The following NUDT14 variants were observed in gnomAD, a reference collection of about 807,000 sequenced individuals.
NUDT14 encodes the protein nudix hydrolase 14, also known as uridine diphosphate glucose pyrophosphatase NUDT14.
In NUDT14, 22 loss-of-function variants were observed where a neutral mutation model predicts 17.5. The ratio of observed to expected loss-of-function variants is 1.26; its 90% confidence interval spans 0.90 to 1.80. NUDT14 has a LOEUF of 1.80. Ranked by LOEUF, NUDT14 falls within the 40% of genes most tolerant of loss-of-function variation. The pLI, the probability that NUDT14 is intolerant of heterozygous loss-of-function variation, is 0.00. For synonymous variants in NUDT14, 129 were observed against 125.8 expected (o/e 1.03, Z -0.17); for missense variants, 296 against 295.6 (o/e 1.00, Z -0.01).
intron 1 of NUDT14, among the ~76,000 whole-genome samples, chr14:105,178,449 C>G (rs587610019): frequency 3.9e-4 from 59 of 152,318 alleles, no homozygotes; most frequent in African/African-American, 1.3e-3. Context: ...CTCCCCCACA[C>G]TGGGCACACC....
chr14:105,177,253 T>A (rs1436652055), intron 2 of NUDT14: 1 of 647,130 alleles, frequency 1.5e-6, no homozygotes, highest in Non-Finnish European at 2.8e-6. Flanking sequence ...GCTGGCAGGA[T>A]GGGAGGCGGG....
intron 3 of NUDT14, 37 bp downstream of exon 3, chr14:105,176,926 A>C (rs766195782): frequency 1.9e-6 from 3 of 1,596,942 alleles, no homozygotes; most frequent in Non-Finnish European, 2.6e-6. Context: ...CCTGAAGGTG[A>C]CCCTGCAGAT....
intron 2 of NUDT14, 48 bp from the exon 3 acceptor site, chr14:105,177,075 C>A (rs201633672): frequency 3.2e-6 from 5 of 1,571,466 alleles, no homozygotes; most frequent in Non-Finnish European, 3.5e-6. Context: ...CACTGGCCCT[C>A]GTGGGGCCCC....
At position 105,176,641 on chromosome 14, in the gene NUDT14, G is replaced by A. The variant is rs150187377; in HGVS notation, c.321C>T (p.Leu107=). The change falls in exon 4 of 5, where the codon CTC becomes CTT. Residue 107 remains leucine, a synonymous_variant. Transcript: ENST00000392568. ...CCAGCGAGAGCCCAGGCTGGTCCAC[G>A]AGGCCGGCACACAGCTCAACTGTCA... The part of the protein sequence containing the change: ...AGVTVELCAG[L]VDQPGLSLEE... The A allele has an allele frequency of 1.8e-3, 2,869 of 1,612,764 alleles. 8 individuals carry two copies. Among genetic ancestry groups the A allele is most frequent in the Middle Eastern group, 2.1e-3 (13 of 6,062 alleles).
chr14:105,174,335 G>A (rs1366548973), intron 4 of NUDT14, among the ~76,000 whole-genome samples: 4 of 152,078 alleles, frequency 2.6e-5, no homozygotes, highest in Non-Finnish European at 5.9e-5. Context: ...GATCTGGGGA[G>A]AAACGGGACT....
chr14:105,173,930 C>T lies in NUDT14; in HGVS notation c.429-669G>A, dbSNP rs1478911743. 6.6e-6 allele frequency among the ~76,000 whole-genome samples: 1 copy of T among 152,062 alleles called. No individual in the cohort carries two copies. The highest frequency in any genetic ancestry group is 1.5e-5 in the Non-Finnish European group (1 of 68,016). On this transcript the variant is annotated intron_variant, in intron 4 of 4. Transcript: ENST00000392568. This position sits in a 1 kb window ranked among gnomAD's most constrained non-coding sequence, Gnocchi z 4.7. ...TGCAGAGGCCCATGCCAGACCCCAG[C>T]CCATACCCGGGGACACAGGCTGGCT...
At position 105,180,079 on chromosome 14, in the gene NUDT14, C is replaced by T. The variant is rs587704977; in HGVS notation, c.81+1050G>A. On this transcript the variant is annotated intron_variant, in intron 1 of 4. Coordinates refer to ENST00000392568, the MANE Select transcript of NUDT14 (RefSeq NM_177533.5). ...GATCTGCTGGGGGCAGGTGGGCATG[C>T]AAGCAAAAGGTGGGGCCCTAACTGG... 1.6e-4 allele frequency among the ~76,000 whole-genome samples: 25 copies of T among 152,258 alleles called. No individual in the cohort carries two copies. In the South Asian group the frequency reaches 5.0e-3, roughly 30 times the overall value.
At chr14:105,178,250 G>A (rs999005183) in intron 1 of NUDT14, among the ~76,000 whole-genome samples, 1 of 152,074 alleles carries the variant, frequency 6.6e-6, no homozygotes, top group East Asian at 1.9e-4. Context: ...AGGAGGGGCT[G>A]GCACCAGGAG....
In NUDT14 at chr14:105,173,988, G is replaced by A. The variant is rs1049440618; in HGVS notation, c.429-727C>T. On this transcript the variant is annotated intron_variant, in intron 4 of 4. Coordinates refer to ENST00000392568, the MANE Select transcript of NUDT14 (RefSeq NM_177533.5). This position sits in a 1 kb window ranked among gnomAD's most constrained non-coding sequence, Gnocchi z 4.7. The stretch of plus-strand genomic sequence containing the variant: ...AGGGACAAACCCACCAGGCCTTCCC[G>A]CAAGGGTTCCCCACCAGGCACCCAC... Among the ~76,000 whole-genome samples, 2 of 151,986 alleles carry A rather than the reference G, an allele frequency of 1.3e-5. No individual in the cohort carries two copies. Among genetic ancestry groups the A allele is most frequent in the Admixed American group, 1.3e-4 (2 of 15,272 alleles).
In NUDT14 at chr14:105,173,177, GCCC is replaced by G. The variant is rs1207190515; in HGVS notation, c.510_512del (p.Gly171del). ...CAATGAGCTCACCCTCCTCCACCAG[GCCC>G]CCACCTGGACCGCTACGCTGGGCAT... is the stretch of plus-strand genomic sequence containing the variant. On this transcript the variant is annotated inframe_deletion, in exon 5 of 5. Transcript: ENST00000392568. The surrounding 1 kb of genome is among the most constrained non-coding windows in gnomAD (Gnocchi z 4.7). 3.7e-6 allele frequency: 6 copies of G among 1,610,612 alleles called. No homozygotes were observed. The highest frequency in any genetic ancestry group is 5.1e-6 in the Non-Finnish European group (6 of 1,179,150).
chr14:105,181,176 A>G lies in NUDT14; in HGVS notation c.34T>C (p.Cys12Arg). 2 of 1,183,656 alleles carry G rather than the reference A, an allele frequency of 1.7e-6. No individual in the cohort carries two copies. The highest frequency in any genetic ancestry group is 2.1e-6 in the Non-Finnish European group (2 of 948,352). The allele number at this position is 1,183,656 out of a possible 1,614,324, so 73.3% of individuals were successfully genotyped here. A position where few individuals can be genotyped will look rare whatever the true frequency, so the allele number is the denominator to read the frequency against. The part of the protein sequence containing the change: ...ERIEGASVGR[C>R]AASPYLRPLT... ...GGCCGCAGGTAGGGTGAGGCGGCGCAGCGGCCCACGGACGCCCCCTCGATG... is the reference window on the plus strand; with the variant it reads ...GGCCGCAGGTAGGGTGAGGCGGCGCGGCGGCCCACGGACGCCCCCTCGATG... The change falls in exon 1 of 5, where the codon TGC becomes CGC. Residue 12 changes from cysteine to arginine, a missense_variant. Coordinates refer to ENST00000392568, the MANE Select transcript of NUDT14 (RefSeq NM_177533.5). The surrounding 1 kb of genome is among the most constrained non-coding windows in gnomAD (Gnocchi z 5.0).
intron 4 of NUDT14, 50 bp downstream of exon 4, chr14:105,176,484 C>A: frequency 6.9e-7 from 1 of 1,438,854 alleles, no homozygotes; most frequent in African/African-American, 1.4e-5. Flanking sequence ...CCCTCACTCT[C>A]TCCCATCTCC....
chr14:105,174,465 G>A (rs1419280226), intron 4 of NUDT14, among the ~76,000 whole-genome samples: 1 of 152,046 alleles, frequency 6.6e-6, no homozygotes, highest in Non-Finnish European at 1.5e-5. Context: ...CGCCCTCTGA[G>A]ATGTACCCAA....
At position 105,177,699 on chromosome 14, in the gene NUDT14, G is replaced by A. The variant is rs776639089; in HGVS notation, c.118C>T (p.His40Tyr). 1 of 1,612,380 alleles carries A rather than the reference G, an allele frequency of 6.2e-7. No homozygotes were observed. Among genetic ancestry groups the A allele is most frequent in the South Asian group, 1.1e-5 (1 of 91,082 alleles). Residue 40 changes from histidine (H) to tyrosine (Y), a missense_variant, in exon 2 of 5, where the codon CAT (histidine) becomes TAT (tyrosine). Transcript: ENST00000392568. Reference sequence around the variant, plus strand: ...GCTGGGCCAGGCTCTCACCTGTCATGCGTCTTCATGAAGTCCCAGGACTTC... The same window carrying A: ...GCTGGGCCAGGCTCTCACCTGTCATACGTCTTCATGAAGTCCCAGGACTTC... Reference protein sequence around the residue: ...AQKSWDFMKTHDSVTVLLFNS... With the variant: ...AQKSWDFMKTYDSVTVLLFNS...
chr14:105,177,640 G>A lies in NUDT14; in HGVS notation c.125+52C>T, dbSNP rs587720639. The A allele has an allele frequency of 7.3e-5, 115 of 1,572,842 alleles. 1 individual carries two copies. The highest frequency in any genetic ancestry group is 1.3e-4 in the African/African-American group (10 of 74,220). ...CCTTCGCCCTGGGCCCAGTGTCCCC[G>A]TAGACATCAGTCTGGGGCTTCCCCA... On this transcript the variant is annotated intron_variant, in intron 2 of 4. Transcript: ENST00000392568.
chr14:105,177,767 C>T (rs1258094294), intron 1 of NUDT14, 32 bp from the exon 2 acceptor site: 2 of 1,608,308 alleles, frequency 1.2e-6, no homozygotes, highest in Non-Finnish European at 1.7e-6. Flanking sequence ...TTAGAATGTC[C>T]CAGGATGGGC....
At chr14:105,174,551 C>A (rs1889171264) in intron 4 of NUDT14, among the ~76,000 whole-genome samples, 1 of 152,138 alleles carries the variant, frequency 6.6e-6, no homozygotes, top group Non-Finnish European at 1.5e-5. Context: ...GGGGACTCAC[C>A]CCAGACCGAC....
intron 4 of NUDT14, among the ~76,000 whole-genome samples, chr14:105,175,038 G>A (rs1889181511): frequency 6.6e-6 from 1 of 152,236 alleles, no homozygotes; most frequent in South Asian, 2.1e-4. Flanking sequence ...CCCGATGCGA[G>A]TCTAAGCAGG....
Position 105,172,941 on chromosome 14 carries a change from GAGCTATGC to G in NUDT14, c.*72_*79del. 1 of 1,355,128 alleles carries G rather than the reference GAGCTATGC, an allele frequency of 7.4e-7. No individual in the cohort carries two copies. Among genetic ancestry groups the G allele is most frequent in the South Asian group, 1.9e-5 (1 of 52,972 alleles). The allele number at this position is 1,355,128 out of a possible 1,614,324, so 83.9% of individuals were successfully genotyped here. A position where few individuals can be genotyped will look rare whatever the true frequency, so the allele number is the denominator to read the frequency against. ...GCTCAGAACCAGCAGGCAGAAGCTG[GAGCTATGC>G]AAGCCTTTATTGGGGTCCGCGGGGT... On this transcript the variant is annotated 3_prime_UTR_variant, in exon 5 of 5. Coordinates refer to ENST00000392568, the MANE Select transcript of NUDT14 (RefSeq NM_177533.5).
Sources: allele counts gnomAD v4.1 joint callset (sites outside exome capture counted in the v4.1 genomes callset), GRCh38; gene constraint gnomAD v4.1.1; non-coding constraint Gnocchi (gnomAD v3.1); transcripts MANE v1.5; gene names NCBI Gene and HGNC (gene_info 2026-07-23, HGNC 2026-07-21).